Variants in WDR43 observed in about 807,000 individuals in gnomAD.
The protein encoded by WDR43 is WD repeat domain 43.
Under a neutral mutation model 91.4 loss-of-function variants are expected in WDR43, and 13 were observed. That is an observed-to-expected ratio of 0.14 (90% CI 0.09 to 0.23). WDR43 has a LOEUF of 0.23. WDR43 is among the 10% of genes least tolerant of loss of function. WDR43 has a pLI of 1.00. For synonymous variants in WDR43, 331 were observed against 287.9 expected (o/e 1.15, Z -1.51); for missense variants, 780 against 809.4 (o/e 0.96, Z 0.44).
At chr2:28,908,194 G>A (rs1291394822) in intron 3 of WDR43, among the ~76,000 whole-genome samples, 1 of 152,190 alleles carries the variant, frequency 6.6e-6, no homozygotes, top group South Asian at 2.1e-4. Context: ...ATAATGCATG[G>A]TAGAGGATAG....
chr2:28,906,559 G>T lies in WDR43; in HGVS notation c.463G>T (p.Val155Leu). The T allele has an allele frequency of 6.2e-7, 1 of 1,611,442 alleles. No individual in the cohort carries two copies. Among genetic ancestry groups the T allele is most frequent in the Non-Finnish European group, 8.5e-7 (1 of 1,178,954 alleles). Reference sequence around the variant, plus strand: ...TGATAAACATATTGTGGAATGGAACGTACAGACATGCAAAGTAAAGTGGTG... The same window carrying T: ...TGATAAACATATTGTGGAATGGAACTTACAGACATGCAAAGTAAAGTGGTG... ...SDDKHIVEWN[V>L]QTCKVKCKWK... Residue 155 changes from valine to leucine, a missense_variant, in exon 3 of 18, where the codon GTA becomes TTA. By Grantham distance (32) the Val-to-Leu change is conservative (BLOSUM62 1). Around this residue, in one of 4 missense-constraint regions of WDR43, gnomAD observed 174 missense variants for 207.3 expected, o/e 0.84. Transcript: ENST00000407426.
chr2:28,926,214 C>G (rs1315760996), intron 8 of WDR43, among the ~76,000 whole-genome samples: 1 of 152,132 alleles, frequency 6.6e-6, no homozygotes, highest in Non-Finnish European at 1.5e-5. Context: ...AAAATTCAAG[C>G]AGTTCATAGC....
At chr2:28,903,859 C>T (rs535203092) in intron 2 of WDR43, among the ~76,000 whole-genome samples, 18 of 152,216 alleles carry the variant, frequency 1.2e-4, no homozygotes, top group Admixed American at 2.6e-4. Flanking sequence ...GGCTAGAGTG[C>T]AGTAGTGCGG....
chr2:28,922,820 T>C, intron 6 of WDR43, 99 bp from the exon 7 acceptor site: 1 of 476,810 alleles, frequency 2.1e-6, no homozygotes, highest in Non-Finnish European at 3.4e-6. Flanking sequence ...TTTTTCTGGT[T>C]GTGTAATGGG....
chr2:28,938,937 T>G (rs898039005), intron 14 of WDR43, among the ~76,000 whole-genome samples: 1 of 150,914 alleles, frequency 6.6e-6, no homozygotes, highest in African/African-American at 2.4e-5. Flanking sequence ...CTGGGAGCAC[T>G]GGTGAGAGGG....
intron 3 of WDR43, among the ~76,000 whole-genome samples, chr2:28,909,636 G>A (rs80167703): frequency 0.033 from 4,982 of 152,242 alleles, 266 homozygotes; most frequent in African/African-American, 0.11. Flanking sequence ...ACTTTGGAAG[G>A]CTGAGGTGGA....
intron 14 of WDR43, among the ~76,000 whole-genome samples, chr2:28,938,815 G>A (rs1671383065): frequency 6.6e-6 from 1 of 152,180 alleles, no homozygotes; most frequent in African/African-American, 2.4e-5. Flanking sequence ...GGGAGAACTC[G>A]CTAAGATGCT....
chr2:28,909,537 G>C (rs1361028728), intron 3 of WDR43, among the ~76,000 whole-genome samples: 1 of 152,140 alleles, frequency 6.6e-6, no homozygotes, highest in East Asian at 1.9e-4. Context: ...AATCACTGGA[G>C]ATCCTGAGCT....
In WDR43 at chr2:28,926,524, G is replaced by C. The variant is rs971765308; in HGVS notation, c.1143G>C (p.Trp381Cys). Residue 381 changes from tryptophan to cysteine, a missense_variant, in exon 9 of 18, where the codon TGG (tryptophan) becomes TGC (cysteine). By Grantham distance (215) the Trp-to-Cys change is radical. Around this residue, in one of 4 missense-constraint regions of WDR43, gnomAD observed 426 missense variants for 467.8 expected, o/e 0.91. Coordinates refer to ENST00000407426, the MANE Select transcript of WDR43 (RefSeq NM_015131.3). ...TAGTAAGAGATATTTCAAACTGCTG[G>C]GCCCCCAAAGTAGAAACAGCTATAA... ...MCLVRDISNC[W>C]APKVETAITK... 1 of 1,599,012 alleles carries C rather than the reference G, an allele frequency of 6.3e-7. No individual in the cohort carries two copies. Among genetic ancestry groups the C allele is most frequent in the Non-Finnish European group, 8.5e-7 (1 of 1,171,932 alleles).
At position 28,937,974 on chromosome 2, in the gene WDR43, C is replaced by T; in HGVS notation, c.1600C>T (p.His534Tyr). The change falls in exon 14 of 18, where the codon CAT (histidine) becomes TAT (tyrosine). Residue 534 changes from histidine to tyrosine, a missense_variant. Transcript: ENST00000407426. The stretch of plus-strand genomic sequence containing the variant: ...GTGGCTAAAATGTGTGTTAACAGTT[C>T]ATGCATCATACCTGTCCACGGTGAG... ...VQWLKCVLTVHASYLSTLPDL... is the reference protein window; with the variant it reads ...VQWLKCVLTVYASYLSTLPDL... The T allele has an allele frequency of 6.2e-7, 1 of 1,613,782 alleles. No homozygotes were observed. The highest frequency in any genetic ancestry group is 8.5e-7 in the Non-Finnish European group (1 of 1,179,818).
intron 2 of WDR43, 82 bp downstream of exon 2, chr2:28,902,206 G>A: frequency 7.1e-7 from 1 of 1,415,682 alleles, no homozygotes; most frequent in Non-Finnish European, 9.5e-7. Flanking sequence ...AACACTTCAA[G>A]GTATGTGATG....
At chr2:28,924,915 A>G in intron 7 of WDR43, 67 bp from the exon 8 acceptor site, 1 of 1,541,578 alleles carries the variant, frequency 6.5e-7, no homozygotes, top group Non-Finnish European at 8.7e-7. Flanking sequence ...ACTTGATGTC[A>G]GTTCCAGAGA....
intron 1 of WDR43, among the ~76,000 whole-genome samples, chr2:28,899,056 G>T (rs764875536): frequency 6.6e-6 from 1 of 152,102 alleles, no homozygotes; most frequent in Non-Finnish European, 1.5e-5. Flanking sequence ...TTCAGTATTC[G>T]TTGCTTAACT....
At chr2:28,897,788 GAT>G (rs1401658117) in intron 1 of WDR43, among the ~76,000 whole-genome samples, 2 of 152,200 alleles carry the variant, frequency 1.3e-5, no homozygotes, top group Non-Finnish European at 2.9e-5. Flanking sequence ...AGAAAAATTA[GAT>G]TGTCACCTCT....
intron 1 of WDR43, among the ~76,000 whole-genome samples, chr2:28,899,302 G>A (rs555075114): frequency 1.3e-5 from 2 of 152,216 alleles, no homozygotes; most frequent in East Asian, 1.9e-4. Flanking sequence ...TTTCATATTT[G>A]CCGTGTCTAA....
chr2:28,920,560 A>G (rs926065682), intron 6 of WDR43, among the ~76,000 whole-genome samples: 1 of 152,012 alleles, frequency 6.6e-6, no homozygotes, highest in Non-Finnish European at 1.5e-5. Flanking sequence ...TGTGTGTGCG[A>G]TTTTTAGAGG....
chr2:28,932,990 C>T (rs1671276394), intron 11 of WDR43, among the ~76,000 whole-genome samples: 1 of 152,056 alleles, frequency 6.6e-6, no homozygotes, highest in South Asian at 2.1e-4. Flanking sequence ...TTAATGAAGA[C>T]CTAAGTAAAT....
At chr2:28,910,801 A>G (rs1030469820) in intron 3 of WDR43, among the ~76,000 whole-genome samples, 4 of 151,638 alleles carry the variant, frequency 2.6e-5, no homozygotes, top group African/African-American at 7.3e-5. Context: ...GGGTTCAAGC[A>G]ATCCTCCTGT....
At chr2:28,900,325 C>T (rs12616009) in intron 1 of WDR43, among the ~76,000 whole-genome samples, 2 of 151,728 alleles carry the variant, frequency 1.3e-5, no homozygotes, top group Non-Finnish European at 2.9e-5. Flanking sequence ...GGATTACTAG[C>T]GCCCACCACC....
Sources: gnomAD v4.1 joint callset for allele counts (sites outside exome capture counted in the v4.1 genomes callset) on GRCh38, gnomAD v4.1.1 for gene constraint, gnomAD v4.1.1 regional missense constraint, MANE v1.5 for transcripts, NCBI Gene and HGNC (gene_info 2026-07-23, HGNC 2026-07-21) for gene names.